RSPH3: variants seen among roughly 807,000 people sequenced by gnomAD.
The protein encoded by RSPH3 is radial spoke head 3, also known as radial spoke head protein 3 homolog.
In RSPH3, 21 loss-of-function variants were observed where a neutral mutation model predicts 43.8. The observed-to-expected ratio is 0.48, with a 90% CI of 0.34 to 0.69. RSPH3 has a LOEUF of 0.69. Ranked by LOEUF, RSPH3 falls within the 30% of genes least tolerant of loss-of-function variation. RSPH3 has a pLI of 0.01. For synonymous variants in RSPH3, 173 were observed against 179.8 expected, an observed-to-expected ratio of 0.96 and a Z score of 0.30; for missense variants, 487 against 516.0, an observed-to-expected ratio of 0.94 and a Z score of 0.54.
rs1778335497 is a variant in RSPH3 at position 158,989,406 on chromosome 6, C to G, written c.205-2985G>C. ...TTGGCTCTAGGTGGTGCCTTAAGGC[C>G]AGGTTCACCTGGCTCTAGTAAATGA... is the stretch of plus-strand genomic sequence containing the variant. On this transcript the variant is annotated intron_variant, in intron 2 of 7. Transcript: ENST00000367069. This position sits in a 1 kb window ranked among gnomAD's most constrained non-coding sequence, Gnocchi z 4.3. Among the ~76,000 whole-genome samples, 1 of 152,100 alleles carries G rather than the reference C, an allele frequency of 6.6e-6. No individual in the cohort carries two copies. The highest frequency in any genetic ancestry group is 2.1e-4 in the South Asian group (1 of 4,814).
In RSPH3 at chr6:158,993,837, AC is replaced by A; in HGVS notation, c.204+1del. 1 of 1,569,614 alleles carries A rather than the reference AC, an allele frequency of 6.4e-7. No homozygotes were observed. Among genetic ancestry groups the A allele is most frequent in the Non-Finnish European group, 8.8e-7 (1 of 1,140,092 alleles). Reference sequence around the variant, plus strand: ...GTGTTAGACTATTCAAACTGAACTTACCAGTGGCCCTGTCTGGAGTGCATAA... The same window carrying A: ...GTGTTAGACTATTCAAACTGAACTTACAGTGGCCCTGTCTGGAGTGCATAA... On this transcript the variant is annotated splice_donor_variant, in intron 2 of 7. Coordinates refer to ENST00000367069, the MANE Select transcript of RSPH3 (RefSeq NM_031924.8). LOFTEE classifies it high-confidence loss of function.
chr6:158,986,379 C>T lies in RSPH3; in HGVS notation c.247G>A (p.Ala83Thr). Residue 83 changes from alanine to threonine, a missense_variant, in exon 3 of 8, where the codon GCT (alanine) becomes ACT (threonine). By Grantham distance (58) the Ala-to-Thr change is moderately conservative (BLOSUM62 0). Coordinates refer to ENST00000367069, the MANE Select transcript of RSPH3 (RefSeq NM_031924.8). ...TTTCTGGCAAGAGCCCTCTTCCTAG[C>T]CTCCCGTTGTCTCTGGAGCTCTAGA... ...DSLELQRQRE[A>T]RKRALARKQA... The T allele has an allele frequency of 6.2e-7, 1 of 1,614,112 alleles. No individual in the cohort carries two copies. Among genetic ancestry groups the T allele is most frequent in the Non-Finnish European group, 8.5e-7 (1 of 1,179,944 alleles).
chr6:158,977,633 A>T lies in RSPH3; in HGVS notation c.1162T>A (p.Ser388Thr). The T allele has an allele frequency of 1.2e-6, 2 of 1,613,838 alleles. No homozygotes were observed. The highest frequency in any genetic ancestry group is 1.7e-6 in the Non-Finnish European group (2 of 1,179,960). The change falls in exon 8 of 8, where the codon TCC becomes ACC. Residue 388 changes from serine (S) to threonine (T), a missense_variant. Physicochemically the swap from Ser to Thr is moderately conservative, Grantham distance 58. Transcript: ENST00000367069. ...TCTTCCATAAACTTCCTTTCCTGGG[A>T]TGACCTTCTGTCATATGTTGTTCTT... ...LQRTTYDRRSSQERKFMEERE... is the reference protein window; with the variant it reads ...LQRTTYDRRSTQERKFMEERE...
At chr6:158,964,691 A>G in the RSPH3 span, among the ~76,000 whole-genome samples, 2 of 152,072 alleles carry the variant, frequency 1.3e-5, no homozygotes, top group Non-Finnish European at 2.9e-5. Context: ...TCGAGTTGTA[A>G]TTCTTTGTAT....
intron 4 of RSPH3, 28 bp from the exon 5 acceptor site, chr6:158,982,716 A>C: frequency 1.3e-6 from 2 of 1,511,928 alleles, no homozygotes; most frequent in Non-Finnish European, 1.8e-6. Flanking sequence ...AAGCAAACTT[A>C]AAATTTTAAT....
intron 5 of RSPH3, among the ~76,000 whole-genome samples, chr6:158,981,400 A>G (rs79357647): frequency 0.11 from 17,247 of 152,196 alleles, 1,710 homozygotes; most frequent in East Asian, 0.41. Context: ...TAGACCATGT[A>G]ATATTTATAA....
rs1214613827 is a variant in RSPH3 at position 158,992,050 on chromosome 6, GT to G, written c.204+1788del. On this transcript the variant is annotated intron_variant, in intron 2 of 7. Coordinates refer to ENST00000367069, the MANE Select transcript of RSPH3 (RefSeq NM_031924.8). Reference sequence around the variant, plus strand: ...TCCCAACTGTAGGCTAATGAGCACTGTTTTTTTTTTTTTTTTTTTTGTAGAC... The same window carrying G: ...TCCCAACTGTAGGCTAATGAGCACTGTTTTTTTTTTTTTTTTTTTGTAGAC... 4.7e-3 allele frequency among the ~76,000 whole-genome samples: 538 copies of G among 113,788 alleles called. 2 individuals are homozygous for G. Among genetic ancestry groups the G allele is most frequent in the Non-Finnish European group, 6.1e-3 (338 of 54,974 alleles). 74.6% of individuals were successfully genotyped at this position (113,788 alleles called of 152,430 possible).
chr6:158,971,382 T>C (rs965266010), downstream of RSPH3, among the ~76,000 whole-genome samples: 3 of 152,232 alleles, frequency 2.0e-5, no homozygotes, highest in Non-Finnish European at 4.4e-5. Context: ...TGCATTCACA[T>C]TGCTTTTATG....
intron 1 of RSPH3, among the ~76,000 whole-genome samples, chr6:158,997,652 T>A (rs62431873): frequency 1.8e-3 from 267 of 152,316 alleles, no homozygotes; most frequent in Admixed American, 3.8e-3. Context: ...ATTACTTCAA[T>A]ATACTAATCA....
At chr6:158,967,138 G>A in the RSPH3 span, among the ~76,000 whole-genome samples, 4 of 151,944 alleles carry the variant, frequency 2.6e-5, no homozygotes, top group East Asian at 5.8e-4. Context: ...AGCCTCTCAA[G>A]TAGTTGGTAC....
chr6:158,983,205 T>C (rs1562561331), intron 4 of RSPH3, among the ~76,000 whole-genome samples: 1 of 152,144 alleles, frequency 6.6e-6, no homozygotes, highest in Non-Finnish European at 1.5e-5. Context: ...TTCAATTTCA[T>C]AAACAGGCCT....
At position 158,989,506 on chromosome 6, in the gene RSPH3, T is replaced by G. The variant is rs1778337153; in HGVS notation, c.205-3085A>C. Among the ~76,000 whole-genome samples, 1 of 152,042 alleles carries G rather than the reference T, an allele frequency of 6.6e-6. No homozygotes were observed. Among genetic ancestry groups the G allele is most frequent in the Admixed American group, 6.6e-5 (1 of 15,258 alleles). ...GGTAGTGTGACTGGCTAGGGGTTTG[T>G]GCCCAGGGGACCGGTACAATGTTAT... On this transcript the variant is annotated intron_variant, in intron 2 of 7. Transcript: ENST00000367069. The surrounding 1 kb of genome is among the most constrained non-coding windows in gnomAD (Gnocchi z 4.3).
At chr6:158,985,864 A>T (rs1417216213) in intron 3 of RSPH3, among the ~76,000 whole-genome samples, 1 of 139,564 alleles carries the variant, frequency 7.2e-6, no homozygotes, top group East Asian at 2.1e-4. Context: ...CCCAGGCTGG[A>T]GTGCAATGGT....
intron 1 of RSPH3, among the ~76,000 whole-genome samples, chr6:158,996,700 A>G (rs540000498): frequency 1.9e-4 from 29 of 152,368 alleles, no homozygotes; most frequent in Non-Finnish European, 3.4e-4. Context: ...TTTGAACATG[A>G]AAGAACTAAA....
Position 158,976,507 on chromosome 6 carries a change from A to G in RSPH3, c.*1031T>C, listed in dbSNP as rs952597957. On this transcript the variant is annotated 3_prime_UTR_variant, in exon 8 of 8. Coordinates refer to ENST00000367069, the MANE Select transcript of RSPH3 (RefSeq NM_031924.8). ...TAATGTTTATATTTATATAAAGAAA[A>G]TCAAGCTATATATTTCTAGATTTTC... The G allele has an allele frequency of 2.0e-5, 3 of 152,188 alleles. No individual in the cohort carries two copies. Among genetic ancestry groups the G allele is most frequent in the South Asian group, 2.1e-4 (1 of 4,824 alleles). 9.4% of individuals were successfully genotyped at this position (152,188 alleles called of 1,614,324 possible).
intron 4 of RSPH3, among the ~76,000 whole-genome samples, chr6:158,983,447 T>C (rs1371546704): frequency 6.6e-6 from 1 of 152,156 alleles, no homozygotes; most frequent in East Asian, 1.9e-4. Flanking sequence ...ATATTTCAAA[T>C]GATTTTGTTT....
At chr6:158,972,509 G>T (rs1777706622), downstream of RSPH3, among the ~76,000 whole-genome samples, 1 of 152,104 alleles carries the variant, frequency 6.6e-6, no homozygotes, top group Non-Finnish European at 1.5e-5. Flanking sequence ...GCTCACCAAG[G>T]TCTTTTATGG....
chr6:158,986,162 G>A (rs533223548), intron 3 of RSPH3, 118 bp downstream of exon 3: 33 of 947,278 alleles, frequency 3.5e-5, no homozygotes, highest in Middle Eastern at 2.2e-4. Flanking sequence ...CCATGTGATC[G>A]GGGAAGTATC....
At chr6:158,972,181 A>G (rs1777701152), downstream of RSPH3, among the ~76,000 whole-genome samples, 1 of 152,144 alleles carries the variant, frequency 6.6e-6, no homozygotes, top group African/African-American at 2.4e-5. Context: ...AATAATGAGA[A>G]CTGTCCAACA....
Sources: allele counts gnomAD v4.1 joint callset (sites outside exome capture counted in the v4.1 genomes callset), GRCh38; gene constraint gnomAD v4.1.1; non-coding constraint Gnocchi (gnomAD v3.1); transcripts MANE v1.5; gene names NCBI Gene and HGNC (gene_info 2026-07-23, HGNC 2026-07-21).